Variants in STK32B observed in about 807,000 individuals in gnomAD.
STK32B encodes the protein serine/threonine-protein kinase 32B.
Under a neutral mutation model 52.6 loss-of-function variants are expected in STK32B, and 43 were observed. That is an observed-to-expected ratio of 0.82 (90% CI 0.64 to 1.05). The LOEUF is 1.05. Ranked by LOEUF, STK32B falls within the 50% of genes least tolerant of loss-of-function variation. The pLI is 0.00. For synonymous variants in STK32B, 238 were observed against 204.3 expected, an observed-to-expected ratio of 1.17 and a Z score of -1.41; for missense variants, 621 against 534.6, an observed-to-expected ratio of 1.16 and a Z score of -1.59.
intron 3 of STK32B, among the ~76,000 whole-genome samples, chr4:5,181,615 C>T (rs955121482): frequency 6.6e-6 from 1 of 152,156 alleles, no homozygotes; most frequent in African/African-American, 2.4e-5. Context: ...AAGCAAGAAA[C>T]ACAATTTTTT....
At chr4:5,248,047 C>T (rs139164112) in intron 3 of STK32B, among the ~76,000 whole-genome samples, 1 of 152,306 alleles carries the variant, frequency 6.6e-6, no homozygotes, top group Non-Finnish European at 1.5e-5. Flanking sequence ...TTGGCAACCG[C>T]AGCTACAGGT....
intron 1 of STK32B, among the ~76,000 whole-genome samples, chr4:5,057,636 T>C (rs74473317): frequency 1.1e-4 from 17 of 152,164 alleles, no homozygotes; most frequent in Admixed American, 1.1e-3. Flanking sequence ...AGGATTTATG[T>C]TGAGTCTTGA....
intron 3 of STK32B, among the ~76,000 whole-genome samples, chr4:5,317,043 A>G (rs1196596676): frequency 3.4e-5 from 1 of 29,030 alleles, no homozygotes; most frequent in Non-Finnish European, 4.7e-5. Flanking sequence ...ATAATATATT[A>G]TATATATAAT....
intron 3 of STK32B, among the ~76,000 whole-genome samples, chr4:5,254,220 T>C (rs1015965492): frequency 3.9e-5 from 6 of 152,354 alleles, no homozygotes; most frequent in South Asian, 2.1e-4. Context: ...ATATTTTTAA[T>C]GTCTGTAGGC....
chr4:5,460,522 C>G lies in STK32B; in HGVS notation c.909+294C>G, dbSNP rs910436793. Among the ~76,000 whole-genome samples, 1 of 152,190 alleles carries G rather than the reference C, an allele frequency of 6.6e-6. No individual in the cohort carries two copies. The highest frequency in any genetic ancestry group is 2.4e-5 in the African/African-American group (1 of 41,438). ...GTGTGGGGATAGCAGGCTGATCTAC[C>G]CTTCTGCCTCCACAGAGCTGACTGC... On this transcript the variant is annotated intron_variant, in intron 9 of 11. Coordinates refer to ENST00000282908, the MANE Select transcript of STK32B (RefSeq NM_018401.3). This position sits in a 1 kb window ranked among gnomAD's most constrained non-coding sequence, Gnocchi z 4.8.
In STK32B at chr4:5,399,500, T is replaced by G. The variant is rs1227482307; in HGVS notation, c.472+1256T>G. On this transcript the variant is annotated intron_variant, in intron 5 of 11. Transcript: ENST00000282908. This position sits in a 1 kb window ranked among gnomAD's most constrained non-coding sequence, Gnocchi z 5.4. ...ACTAAGTGCTTTGGGGGCAGTAGGATTGAACTCACTGTGCTCCTGAATGGA... is the reference window on the plus strand; with the variant it reads ...ACTAAGTGCTTTGGGGGCAGTAGGAGTGAACTCACTGTGCTCCTGAATGGA... Among the ~76,000 whole-genome samples, 1 of 152,136 alleles carries G rather than the reference T, an allele frequency of 6.6e-6. No homozygotes were observed. Among genetic ancestry groups the G allele is most frequent in the Non-Finnish European group, 1.5e-5 (1 of 68,024 alleles).
chr4:5,226,304 A>C (rs1173819863), intron 3 of STK32B, among the ~76,000 whole-genome samples: 1 of 152,198 alleles, frequency 6.6e-6, no homozygotes, highest in East Asian at 1.9e-4. Flanking sequence ...TTCAGTATGC[A>C]GTCATTGTAT....
chr4:5,404,417 C>T (rs1737516300), intron 5 of STK32B, among the ~76,000 whole-genome samples: 1 of 152,066 alleles, frequency 6.6e-6, no homozygotes, highest in African/African-American at 2.4e-5. Flanking sequence ...TGGGGCCCAG[C>T]CCATTTCAAT....
intron 4 of STK32B, among the ~76,000 whole-genome samples, chr4:5,355,970 A>C (rs985437830): frequency 6.6e-6 from 1 of 152,096 alleles, no homozygotes; most frequent in African/African-American, 2.4e-5. Context: ...AGGACTCAGC[A>C]CCTTCAGACC....
At chr4:5,243,204 C>G (rs1455847584) in intron 3 of STK32B, among the ~76,000 whole-genome samples, 1 of 152,088 alleles carries the variant, frequency 6.6e-6, no homozygotes, top group African/African-American at 2.4e-5. Context: ...TTCTTCCTAC[C>G]CATGAGCATG....
At chr4:5,194,159 C>T (rs1488629758) in intron 3 of STK32B, among the ~76,000 whole-genome samples, 3 of 152,152 alleles carry the variant, frequency 2.0e-5, no homozygotes, top group Non-Finnish European at 4.4e-5. Context: ...TGTTTTCTTA[C>T]TTCTTTATAG....
Position 5,394,328 on chromosome 4 carries a change from A to G in STK32B, c.435-3879A>G, listed in dbSNP as rs766141576. Among the ~76,000 whole-genome samples, 40 of 152,250 alleles carry G rather than the reference A, an allele frequency of 2.6e-4. No individual in the cohort carries two copies. Among genetic ancestry groups the G allele is most frequent in the African/African-American group, 8.4e-4 (35 of 41,540 alleles). ...TCGTCACCGCCTTCCCATCCATGCA[A>G]TGCTCCTGATGCCCTTTCTGAACGT... On this transcript the variant is annotated intron_variant, in intron 4 of 11. Coordinates refer to ENST00000282908, the MANE Select transcript of STK32B (RefSeq NM_018401.3). The surrounding 1 kb of genome is among the most constrained non-coding windows in gnomAD (Gnocchi z 4.2).
At chr4:5,150,958 C>G (rs1577109642) in intron 2 of STK32B, among the ~76,000 whole-genome samples, 1 of 152,174 alleles carries the variant, frequency 6.6e-6, no homozygotes. Flanking sequence ...CCACTTTCCC[C>G]CCATGTCATT....
chr4:5,442,227 G>A (rs1414071863), intron 6 of STK32B, among the ~76,000 whole-genome samples: 2 of 144,742 alleles, frequency 1.4e-5, no homozygotes, highest in African/African-American at 5.0e-5. Flanking sequence ...CATTATTAAT[G>A]TGTGGGAGTC....
At chr4:5,245,562 G>T (rs959037679) in intron 3 of STK32B, among the ~76,000 whole-genome samples, 13 of 152,198 alleles carry the variant, frequency 8.5e-5, no homozygotes, top group African/African-American at 3.1e-4. Context: ...GGAGCATTTA[G>T]CCCATTTACA....
At chr4:5,254,884 T>C (rs1338219396) in intron 3 of STK32B, among the ~76,000 whole-genome samples, 1 of 151,840 alleles carries the variant, frequency 6.6e-6, no homozygotes, top group Non-Finnish European at 1.5e-5. Context: ...GTTCTTTGTT[T>C]TTCTTTTGAG....
At chr4:5,349,796 C>T (rs1359182178) in intron 4 of STK32B, among the ~76,000 whole-genome samples, 2 of 151,984 alleles carry the variant, frequency 1.3e-5, no homozygotes, top group Non-Finnish European at 2.9e-5. Flanking sequence ...ATATAAAAAA[C>T]AACCAAGCAG....
chr4:5,157,927 A>G (rs7683724), intron 2 of STK32B, among the ~76,000 whole-genome samples: 98,153 of 152,058 alleles, frequency 0.65, 31,988 homozygotes, highest in African/African-American at 0.73. Flanking sequence ...TTCATTGTTC[A>G]TGCAGACATC....
chr4:5,496,816 AAAAC>A (rs1039509633), intron 11 of STK32B, among the ~76,000 whole-genome samples: 1 of 152,146 alleles, frequency 6.6e-6, no homozygotes, highest in Non-Finnish European at 1.5e-5. Flanking sequence ...AAAAAAAAAA[AAAAC>A]AGCATGAAGA....
Sources: allele counts gnomAD v4.1 joint callset (sites outside exome capture counted in the v4.1 genomes callset), GRCh38; gene constraint gnomAD v4.1.1; non-coding constraint Gnocchi (gnomAD v3.1); transcripts MANE v1.5; gene names NCBI Gene and HGNC (gene_info 2026-07-23, HGNC 2026-07-21).